Variants in DOCK9 observed in about 807,000 individuals in gnomAD.
DOCK9 encodes the protein dedicator of cytokinesis 9, also known as dedicator of cytokinesis protein 9.
A neutral mutation model predicts 263.3 loss-of-function variants in DOCK9; 89 were observed. The ratio of observed to expected loss-of-function variants is 0.34; its 90% CI spans 0.28 to 0.40. The LOEUF is 0.40. Among genes scored for constraint, DOCK9 ranks in the 10% least tolerant of loss-of-function variants. The pLI is 1.00. For missense variants in DOCK9, 2,140 were observed against 2,603.4 expected (o/e 0.82, Z 3.87); for synonymous variants, 976 against 973.1 (o/e 1.00, Z -0.06).
intron 1 of DOCK9, among the ~76,000 whole-genome samples, chr13:99,063,330 AC>A (rs78560913): frequency 0.11 from 16,481 of 152,168 alleles, 1,287 homozygotes; most frequent in East Asian, 0.24. Flanking sequence ...ACTGTGGGGA[AC>A]CCTTCCCAGC....
At chr13:98,958,986 T>C (rs951726351) in intron 1 of DOCK9, among the ~76,000 whole-genome samples, 3 of 152,198 alleles carry the variant, frequency 2.0e-5, no homozygotes, top group Admixed American at 2.0e-4. Flanking sequence ...AAGGATGCAA[T>C]GTTGTGGCTA....
chr13:98,825,950 A>C lies in DOCK9; in HGVS notation c.5023+880T>G. 1 of 1,533,176 alleles carries C rather than the reference A, an allele frequency of 6.5e-7. No homozygotes were observed. Among genetic ancestry groups the C allele is most frequent in the South Asian group, 1.3e-5 (1 of 77,486 alleles). The allele number at this position is 1,533,176 out of a possible 1,614,324, so 95.0% of individuals were successfully genotyped here. A position where few individuals can be genotyped will look rare whatever the true frequency, so the allele number is the denominator to read the frequency against. Reference sequence around the variant, plus strand: ...TCCCACTGGACTGCTTCTAAACATGAGGAAATGCATCACCTGATAAAAGGT... The same window carrying C: ...TCCCACTGGACTGCTTCTAAACATGCGGAAATGCATCACCTGATAAAAGGT... On this transcript the variant is annotated intron_variant, in intron 44 of 52. Coordinates refer to ENST00000682017, the MANE Select transcript of DOCK9 (RefSeq NM_001366683.2). This position sits in a 1 kb window ranked among gnomAD's most constrained non-coding sequence, Gnocchi z 4.1.
chr13:98,971,703 A>C (rs1189394643), intron 1 of DOCK9, among the ~76,000 whole-genome samples: 1 of 152,166 alleles, frequency 6.6e-6, no homozygotes, highest in Non-Finnish European at 1.5e-5. Flanking sequence ...GCGAGACTCC[A>C]TCTCAAAAAG....
intron 1 of DOCK9, among the ~76,000 whole-genome samples, chr13:99,026,348 T>G (rs1367238618): frequency 6.6e-6 from 1 of 152,206 alleles, no homozygotes; most frequent in African/African-American, 2.4e-5. Flanking sequence ...CAATCCAAAG[T>G]TGAATTTCTC....
intron 3 of DOCK9, among the ~76,000 whole-genome samples, chr13:98,929,510 A>C (rs1361799853): frequency 2.0e-5 from 3 of 152,310 alleles, no homozygotes; most frequent in African/African-American, 2.4e-5. Flanking sequence ...GCTCCACAGC[A>C]CTCTAGCTTA....
At position 98,903,178 on chromosome 13, in the gene DOCK9, A is replaced by C; in HGVS notation, c.1036-66T>G. The C allele has an allele frequency of 2.4e-6, 3 of 1,249,726 alleles. No homozygotes were observed. The South Asian group carries it at 5.0e-5, about 21-fold the overall frequency. The allele number at this position is 1,249,726 out of a possible 1,614,324, so 77.4% of individuals were successfully genotyped here. ...TATTTTAAAAAAACATCATAAATGC[A>C]TCCAAAGGAAACGGAATAAAATATG... is the stretch of plus-strand genomic sequence containing the variant. On this transcript the variant is annotated intron_variant, in intron 10 of 52. Coordinates refer to ENST00000682017, the MANE Select transcript of DOCK9 (RefSeq NM_001366683.2).
chr13:98,886,132 C>T (rs1331669526), intron 19 of DOCK9, among the ~76,000 whole-genome samples: 1 of 152,148 alleles, frequency 6.6e-6, no homozygotes, highest in Non-Finnish European at 1.5e-5. Flanking sequence ...CAGGATAGAA[C>T]ATTCCCAAGT....
intron 1 of DOCK9, among the ~76,000 whole-genome samples, chr13:99,067,894 T>C: frequency 6.7e-6 from 1 of 149,546 alleles, no homozygotes; most frequent in South Asian, 2.1e-4. Flanking sequence ...TTTAAATGTC[T>C]AACAACTGAA....
At chr13:98,997,077 A>G (rs1881222049) in intron 1 of DOCK9, among the ~76,000 whole-genome samples, 2 of 152,224 alleles carry the variant, frequency 1.3e-5, no homozygotes, top group South Asian at 4.1e-4. Flanking sequence ...TTTCTACAAG[A>G]GGACAGTGGA....
At chr13:98,850,021 C>T in intron 36 of DOCK9, 26 bp downstream of exon 36, 1 of 1,509,470 alleles carries the variant, frequency 6.6e-7, no homozygotes, top group Non-Finnish European at 9.0e-7. Flanking sequence ...AATCAAGAGG[C>T]AGTGATCAAA....
chr13:99,019,810 G>C (rs1034266790), intron 1 of DOCK9, among the ~76,000 whole-genome samples: 5 of 152,088 alleles, frequency 3.3e-5, no homozygotes, highest in Admixed American at 1.3e-4. Flanking sequence ...TTAAGAATCG[G>C]GGTGGGGAGG....
chr13:99,006,780 C>T (rs769923599), intron 1 of DOCK9, among the ~76,000 whole-genome samples: 3 of 152,080 alleles, frequency 2.0e-5, no homozygotes, highest in Non-Finnish European at 4.4e-5. Context: ...TAAAAGACAA[C>T]AAATGTTACT....
intron 1 of DOCK9, among the ~76,000 whole-genome samples, chr13:99,051,798 T>G (rs545152996): frequency 7.5e-6 from 1 of 132,616 alleles, no homozygotes; most frequent in East Asian, 2.4e-4. Flanking sequence ...CTATCAAAAT[T>G]CAACCAATAA....
chr13:98,980,185 A>G (rs1232838070), upstream of DOCK9, among the ~76,000 whole-genome samples: 2 of 152,224 alleles, frequency 1.3e-5, no homozygotes, highest in African/African-American at 4.8e-5. Context: ...CACTGTGTTC[A>G]GCCTACCCTA....
intron 1 of DOCK9, among the ~76,000 whole-genome samples, chr13:98,977,459 G>C (rs546384084): frequency 6.6e-6 from 1 of 152,226 alleles, no homozygotes; most frequent in Admixed American, 6.5e-5. Flanking sequence ...CAACCCTATA[G>C]TTGCAATTAA....
chr13:98,885,820 C>T lies in DOCK9; in HGVS notation c.2148G>A (p.Glu716=). The part of the protein sequence containing the change: ...NPEFYDEIKI[E]LPTQLHEKHH... Reference sequence around the variant, plus strand: ...GCTTTTCATGCAGCTGAGTGGGCAACTCTATTTTAATCTGCAAGGGAAGAC... The same window carrying T: ...GCTTTTCATGCAGCTGAGTGGGCAATTCTATTTTAATCTGCAAGGGAAGAC... The change falls in exon 20 of 53, where the codon GAG becomes GAA. Residue 716 remains glutamate, a synonymous_variant. Coordinates refer to ENST00000682017, the MANE Select transcript of DOCK9 (RefSeq NM_001366683.2). 6.2e-7 allele frequency: 1 copy of T among 1,604,490 alleles called. No homozygotes were observed.
At chr13:98,992,535 G>A (rs534662058) in intron 1 of DOCK9, among the ~76,000 whole-genome samples, 28 of 152,260 alleles carry the variant, frequency 1.8e-4, no homozygotes, top group African/African-American at 6.7e-4. Context: ...GGAGAGATCC[G>A]GTGGGAAGTA....
At chr13:99,083,677 A>G (rs181001653) in intron 1 of DOCK9, among the ~76,000 whole-genome samples, 5 of 152,368 alleles carry the variant, frequency 3.3e-5, no homozygotes, top group Admixed American at 6.5e-5. Context: ...ATCATTCATG[A>G]AAGTCCATGA....
chr13:98,896,193 A>G (rs966979629), intron 15 of DOCK9, among the ~76,000 whole-genome samples: 20 of 152,372 alleles, frequency 1.3e-4, no homozygotes, highest in Middle Eastern at 3.4e-3. Flanking sequence ...CAAAAACTGT[A>G]TAATCACATA....
Sources: allele counts gnomAD v4.1 joint callset (sites outside exome capture counted in the v4.1 genomes callset), GRCh38; gene constraint gnomAD v4.1.1; non-coding constraint Gnocchi (gnomAD v3.1); transcripts MANE v1.5; gene names NCBI Gene and HGNC (gene_info 2026-07-23, HGNC 2026-07-21).